GRID2: variants seen among roughly 807,000 people sequenced by gnomAD.
GRID2 encodes the protein glutamate receptor ionotropic, delta-2.
Under a neutral mutation model 114.8 loss-of-function variants are expected in GRID2, and 33 were observed. The observed-to-expected ratio is 0.29, with a 90% CI of 0.22 to 0.38. The LOEUF is 0.38. Ranked by LOEUF, GRID2 falls within the 10% of genes least tolerant of loss-of-function variation. The probability of loss-of-function intolerance (pLI) is 1.00; values close to 1 mark genes in which losing one functional copy is unlikely to be tolerated. For missense variants in GRID2, 1,184 were observed against 1,257.7 expected (o/e 0.94, Z 0.89); for synonymous variants, 505 against 449.9 (o/e 1.12, Z -1.55).
At chr4:93,253,093 C>A (rs865989723) in intron 8 of GRID2, among the ~76,000 whole-genome samples, 27 of 142,452 alleles carry the variant, frequency 1.9e-4, no homozygotes, top group Admixed American at 2.8e-4. Flanking sequence ...ACTAAAAATA[C>A]AAAAAAAAAA....
At chr4:92,670,989 A>G (rs1226885883) in intron 2 of GRID2, among the ~76,000 whole-genome samples, 2 of 152,250 alleles carry the variant, frequency 1.3e-5, no homozygotes, top group East Asian at 3.9e-4. Context: ...TGTATATATC[A>G]AATATAAAAA....
chr4:93,487,846 G>A (rs1389188607), intron 11 of GRID2, among the ~76,000 whole-genome samples: 3 of 151,968 alleles, frequency 2.0e-5, no homozygotes, highest in Non-Finnish European at 2.9e-5. Context: ...TGGGAGGATT[G>A]TTCTGAATGG....
At chr4:93,407,711 CCTCCTCCTCCTT>C (rs1194340890) in intron 9 of GRID2, among the ~76,000 whole-genome samples, 24 of 123,678 alleles carry the variant, frequency 1.9e-4, no homozygotes, top group Middle Eastern at 3.8e-3. Flanking sequence ...GTCTCCTCCT[CCTCCTCCTCCTT>C]CTCCTCCTCC....
At position 93,035,797 on chromosome 4, in the gene GRID2, G is replaced by A. The variant is rs147252970; in HGVS notation, c.245-49198G>A. ...TCTCTCACCACAAACAGGTAAGAGA[G>A]CAGAGCCTGAAATGTAAGCATGGAC... is the stretch of plus-strand genomic sequence containing the variant. On this transcript the variant is annotated intron_variant, in intron 2 of 15. Coordinates refer to ENST00000282020, the MANE Select transcript of GRID2 (RefSeq NM_001510.4). Among the ~76,000 whole-genome samples, 93 of 152,308 alleles carry A rather than the reference G, an allele frequency of 6.1e-4. 1 individual carries two copies. Among genetic ancestry groups the A allele is most frequent in the Non-Finnish European group, 1.2e-3 (80 of 68,024 alleles).
chr4:93,503,982 T>C (rs144263136), intron 12 of GRID2, among the ~76,000 whole-genome samples: 24 of 152,246 alleles, frequency 1.6e-4, no homozygotes, highest in Admixed American at 1.4e-3. Context: ...GTTTTTGTCA[T>C]ATTCATTAGA....
intron 2 of GRID2, among the ~76,000 whole-genome samples, chr4:93,080,949 G>A (rs1729806549): frequency 6.6e-6 from 1 of 152,276 alleles, no homozygotes; most frequent in Middle Eastern, 3.4e-3. Flanking sequence ...CCAAGGGGAG[G>A]CCAAACCTGT....
intron 3 of GRID2, among the ~76,000 whole-genome samples, chr4:93,087,684 T>A (rs1730449538): frequency 6.6e-6 from 1 of 152,200 alleles, no homozygotes. Flanking sequence ...ATAAACTTGC[T>A]TTTTCACTTA....
chr4:93,168,061 T>C (rs896285099), intron 4 of GRID2, among the ~76,000 whole-genome samples: 19 of 151,952 alleles, frequency 1.3e-4, no homozygotes, highest in African/African-American at 4.6e-4. Context: ...CGAGGTGTAG[T>C]GGTGCACTCT....
At chr4:92,616,954 G>A (rs1257666296) in intron 2 of GRID2, among the ~76,000 whole-genome samples, 1 of 151,470 alleles carries the variant, frequency 6.6e-6, no homozygotes, top group Non-Finnish European at 1.5e-5. Context: ...GTACCTAGTA[G>A]TGTTGTGTGA....
At chr4:92,899,769 T>C (rs1390230638) in intron 2 of GRID2, among the ~76,000 whole-genome samples, 1 of 152,220 alleles carries the variant, frequency 6.6e-6, no homozygotes, top group Non-Finnish European at 1.5e-5. Flanking sequence ...ACAAAGGATA[T>C]CTCTACTTTT....
intron 2 of GRID2, among the ~76,000 whole-genome samples, chr4:93,081,805 A>C (rs1729893949): frequency 6.6e-6 from 1 of 152,236 alleles, no homozygotes; most frequent in South Asian, 2.1e-4. Context: ...ATATCAAATG[A>C]ACTGACTATG....
intron 13 of GRID2, among the ~76,000 whole-genome samples, chr4:93,625,314 C>T (rs938544525): frequency 1.3e-5 from 2 of 152,190 alleles, no homozygotes; most frequent in African/African-American, 4.8e-5. Flanking sequence ...GGTAGAAGCA[C>T]AAAGACATGG....
At chr4:92,690,352 T>C (rs923430431) in intron 2 of GRID2, among the ~76,000 whole-genome samples, 1 of 152,098 alleles carries the variant, frequency 6.6e-6, no homozygotes, top group Admixed American at 6.5e-5. Context: ...AGTTGGTAAG[T>C]GGAGCTGTCA....
chr4:93,201,081 T>C (rs984705873), intron 4 of GRID2, among the ~76,000 whole-genome samples: 2 of 152,194 alleles, frequency 1.3e-5, no homozygotes, highest in African/African-American at 4.8e-5. Context: ...AAAATAAAGG[T>C]ACTAAATCTG....
chr4:92,508,249 T>C (rs1255001051), intron 1 of GRID2, among the ~76,000 whole-genome samples: 1 of 151,944 alleles, frequency 6.6e-6, no homozygotes, highest in African/African-American at 2.4e-5. Context: ...CATTTATTGA[T>C]TCAATTAACA....
At chr4:93,665,042 T>A (rs1317023157) in intron 14 of GRID2, among the ~76,000 whole-genome samples, 1 of 152,206 alleles carries the variant, frequency 6.6e-6, no homozygotes, top group Non-Finnish European at 1.5e-5. Flanking sequence ...TGTGGTTTAA[T>A]GAAATGAATT....
At chr4:93,293,326 T>A (rs978298870) in intron 8 of GRID2, among the ~76,000 whole-genome samples, 10 of 152,104 alleles carry the variant, frequency 6.6e-5, no homozygotes, top group African/African-American at 2.4e-4. Context: ...CGCTGCTGAG[T>A]CTAATCGAGG....
At chr4:93,505,377 A>G (rs879475506) in intron 12 of GRID2, among the ~76,000 whole-genome samples, 2 of 151,948 alleles carry the variant, frequency 1.3e-5, no homozygotes, top group African/African-American at 2.4e-5. Flanking sequence ...CAATCATCCT[A>G]TAATCAGCAG....
intron 2 of GRID2, among the ~76,000 whole-genome samples, chr4:93,067,359 A>G (rs958982163): frequency 2.6e-5 from 4 of 152,044 alleles, no homozygotes; most frequent in African/African-American, 9.7e-5. Context: ...TACCTCTCAC[A>G]GTTCTGGAGG....
Sources: gnomAD v4.1 joint callset for allele counts (sites outside exome capture counted in the v4.1 genomes callset) on GRCh38, gnomAD v4.1.1 for gene constraint, MANE v1.5 for transcripts, NCBI Gene and HGNC (gene_info 2026-07-23, HGNC 2026-07-21) for gene names.